Variants in SHOC2 observed in about 807,000 individuals in gnomAD.
The protein encoded by SHOC2 is leucine-rich repeat protein SHOC-2.
Under a neutral mutation model 50.2 loss-of-function variants are expected in SHOC2, and 4 were observed. That is an observed-to-expected ratio of 0.08 (90% CI 0.04 to 0.18). SHOC2 has a LOEUF of 0.18. SHOC2 is among the 10% of genes least tolerant of loss of function. The probability of loss-of-function intolerance (pLI) is 1.00; values close to 1 mark genes in which losing one functional copy is unlikely to be tolerated. For synonymous variants in SHOC2, 218 were observed against 244.5 expected, an observed-to-expected ratio of 0.89 and a Z score of 1.01; for missense variants, 388 against 669.6, an observed-to-expected ratio of 0.58 and a Z score of 4.64.
intron 1 of SHOC2, among the ~76,000 whole-genome samples, chr10:110,957,533 C>CA (rs1171903691): frequency 1.0e-5 from 1 of 96,552 alleles, no homozygotes; most frequent in Non-Finnish European, 1.9e-5. Context: ...CATGAAGATA[C>CA]CCCCCCCCCA....
intron 2 of SHOC2, among the ~76,000 whole-genome samples, chr10:110,970,007 C>T (rs1847749147): frequency 6.6e-6 from 1 of 152,260 alleles, no homozygotes; most frequent in African/African-American, 2.4e-5. Context: ...CATCCGTCAC[C>T]TCAAACATTT....
intron 2 of SHOC2, among the ~76,000 whole-genome samples, chr10:110,980,770 C>T (rs1024406375): frequency 1.3e-5 from 2 of 152,120 alleles, no homozygotes; most frequent in African/African-American, 4.8e-5. Flanking sequence ...TCCCAATCCC[C>T]TGGGTCTCAG....
chr10:111,011,940 G>GT lies in SHOC2; in HGVS notation c.*125dup. On this transcript the variant is annotated 3_prime_UTR_variant, in exon 9 of 9. Coordinates refer to ENST00000369452, the MANE Select transcript of SHOC2 (RefSeq NM_007373.4). ...CAGATTTATAAAAATTGCATTATGT[G>GT]TTTCTGCTAATAGAGGAATCATAGC... 1 of 820,120 alleles carries GT rather than the reference G, an allele frequency of 1.2e-6. No individual in the cohort carries two copies. Among genetic ancestry groups the GT allele is most frequent in the South Asian group, 1.5e-5 (1 of 65,486 alleles). The allele number at this position is 820,120 out of a possible 1,614,324, so 50.8% of individuals were successfully genotyped here.
chr10:110,936,772 G>T lies in SHOC2; in HGVS notation c.-235+17115G>T, dbSNP rs762124151. 9.9e-6 allele frequency: 10 copies of T among 1,014,058 alleles called. No individual in the cohort carries two copies. In the East Asian group the frequency reaches 2.2e-4, roughly 22 times the overall value. The allele number at this position is 1,014,058 out of a possible 1,614,324, so 62.8% of individuals were successfully genotyped here. On this transcript the variant is annotated intron_variant, in intron 1 of 8. Transcript: ENST00000369452. Reference sequence around the variant, plus strand: ...TCTCTTTCCTCTTCTCCTCCAGGGTGGCTGTCACTGCGTGGTACTTCCAGC... The same window carrying T: ...TCTCTTTCCTCTTCTCCTCCAGGGTTGCTGTCACTGCGTGGTACTTCCAGC...
intron 1 of SHOC2, among the ~76,000 whole-genome samples, chr10:110,920,420 C>G (rs1384337660): frequency 6.6e-6 from 1 of 152,194 alleles, no homozygotes; most frequent in African/African-American, 2.4e-5. Context: ...CGATTTTTCC[C>G]CCAGCACCTC....
At chr10:110,999,213 T>C (rs1036692567) in intron 3 of SHOC2, among the ~76,000 whole-genome samples, 13 of 152,214 alleles carry the variant, frequency 8.5e-5, no homozygotes, top group Admixed American at 8.5e-4. Flanking sequence ...AAGTATCTCA[T>C]AGCAACAGTT....
At chr10:110,997,826 T>C (rs1447036755) in intron 3 of SHOC2, among the ~76,000 whole-genome samples, 2 of 152,122 alleles carry the variant, frequency 1.3e-5, no homozygotes, top group East Asian at 1.9e-4. Context: ...TATAAAATAC[T>C]TTGGTTTTTC....
intron 3 of SHOC2, among the ~76,000 whole-genome samples, chr10:110,992,343 A>G (rs142173931): frequency 3.1e-3 from 467 of 152,332 alleles, no homozygotes; most frequent in Non-Finnish European, 4.6e-3. Flanking sequence ...TTGAATAAAA[A>G]AAGTATTATT....
chr10:111,011,817 G>GAT lies in SHOC2; in HGVS notation c.*3_*4dup. The GAT allele has an allele frequency of 6.2e-7, 1 of 1,611,632 alleles. No homozygotes were observed. Among genetic ancestry groups the GAT allele is most frequent in the Non-Finnish European group, 8.5e-7 (1 of 1,177,844 alleles). ...CAGGGTCCATATCGTGCCATGGTCT[G>GAT]ATATAAATCTGCTGGTCCCACACAC... ...KMQGPYRAMV[*] The change falls in exon 9 of 9, where the codon TGA becomes TGATA. Residue 583 remains the stop codon, a frameshift_variant and stop_retained_variant. Coordinates refer to ENST00000369452, the MANE Select transcript of SHOC2 (RefSeq NM_007373.4). LOFTEE classifies it high-confidence loss of function.
intron 1 of SHOC2, among the ~76,000 whole-genome samples, chr10:110,944,266 A>G (rs1378836620): frequency 1.3e-5 from 2 of 151,930 alleles, no homozygotes; most frequent in African/African-American, 4.8e-5. Context: ...AGGCCCTCTT[A>G]CCATTTTACC....
At chr10:110,947,428 G>A (rs2134098763) in intron 1 of SHOC2, among the ~76,000 whole-genome samples, 1 of 152,336 alleles carries the variant, frequency 6.6e-6, no homozygotes, top group Non-Finnish European at 1.5e-5. Flanking sequence ...CCTCTGTAAA[G>A]ACTGGAGAGG....
chr10:110,934,808 G>A (rs1445269697), intron 1 of SHOC2, among the ~76,000 whole-genome samples: 1 of 152,104 alleles, frequency 6.6e-6, no homozygotes, highest in African/African-American at 2.4e-5. Context: ...AAGTGGCACT[G>A]TGTTTAGTCA....
chr10:110,924,942 G>A (rs1242845233), intron 1 of SHOC2, among the ~76,000 whole-genome samples: 2 of 151,700 alleles, frequency 1.3e-5, no homozygotes, highest in African/African-American at 2.4e-5. Flanking sequence ...GTGGTGGCAG[G>A]CACCTTTAAT....
chr10:110,998,581 C>T (rs1312358990), intron 3 of SHOC2, among the ~76,000 whole-genome samples: 1 of 152,092 alleles, frequency 6.6e-6, no homozygotes, highest in Non-Finnish European at 1.5e-5. Context: ...TTAATTAGAC[C>T]CAGTAAACTC....
chr10:111,010,022 G>T (rs1848539014), intron 8 of SHOC2, among the ~76,000 whole-genome samples, 192 bp downstream of exon 8: 1 of 151,962 alleles, frequency 6.6e-6, no homozygotes. Flanking sequence ...AAGGCTGTTA[G>T]GATTGGTTTT....
chr10:111,000,580 T>A (rs1222414958), intron 4 of SHOC2, 35 bp downstream of exon 4: 6 of 1,572,914 alleles, frequency 3.8e-6, no homozygotes, highest in Non-Finnish European at 5.2e-6. Flanking sequence ...AGATTTGAAA[T>A]GAGTCTGCAA....
chr10:110,976,241 C>T (rs970942452), intron 2 of SHOC2, among the ~76,000 whole-genome samples: 4 of 152,006 alleles, frequency 2.6e-5, no homozygotes, highest in Middle Eastern at 3.4e-3. Flanking sequence ...AAAGAACGTC[C>T]GTTAACATAT....
chr10:110,962,603 A>G (rs1417653379), intron 1 of SHOC2, among the ~76,000 whole-genome samples: 1 of 152,158 alleles, frequency 6.6e-6, no homozygotes, highest in Admixed American at 6.5e-5. Flanking sequence ...TTTACAGATT[A>G]TTCATCCTCT....
intron 3 of SHOC2, among the ~76,000 whole-genome samples, chr10:110,992,742 A>G (rs1351914476): frequency 1.3e-5 from 2 of 152,202 alleles, no homozygotes; most frequent in Non-Finnish European, 2.9e-5. Context: ...ATGTATAACA[A>G]CTTTACTAGT....
Sources: allele counts gnomAD v4.1 joint callset (sites outside exome capture counted in the v4.1 genomes callset), GRCh38; gene constraint gnomAD v4.1.1; transcripts MANE v1.5; gene names NCBI Gene and HGNC (gene_info 2026-07-23, HGNC 2026-07-21).